IREB2: variants seen among roughly 807,000 people sequenced by gnomAD.
IREB2 encodes the protein iron responsive element binding protein 2, also known as iron-responsive element-binding protein 2.
In IREB2, 39 loss-of-function variants were observed where a neutral mutation model predicts 118.8. The ratio of observed to expected loss-of-function variants is 0.33; its 90% CI spans 0.25 to 0.43. IREB2 has a LOEUF of 0.43. Among genes scored for constraint, IREB2 ranks in the 20% least tolerant of loss-of-function variants. IREB2 has a pLI of 1.00. For synonymous variants in IREB2, 372 were observed against 392.2 expected (o/e 0.95, Z 0.61); for missense variants, 900 against 1,147.3 (o/e 0.78, Z 3.11).
chr15:78,462,136 A>G (rs181204232), intron 2 of IREB2, among the ~76,000 whole-genome samples: 1 of 152,306 alleles, frequency 6.6e-6, no homozygotes, highest in Admixed American at 6.5e-5. Flanking sequence ...TTAGCATACT[A>G]TAAACACTGT....
At chr15:78,444,644 A>G (rs764998695) in intron 2 of IREB2, among the ~76,000 whole-genome samples, 4 of 152,184 alleles carry the variant, frequency 2.6e-5, no homozygotes, top group Non-Finnish European at 5.9e-5. Context: ...AAGAATCACA[A>G]AAAGACAAGA....
chr15:78,483,297 T>G, intron 10 of IREB2, 21 bp from the exon 11 acceptor site: 1 of 1,126,946 alleles, frequency 8.9e-7, no homozygotes, highest in South Asian at 1.3e-5. Context: ...TTCCTTGTTC[T>G]TTCTCTTTCT....
intron 2 of IREB2, among the ~76,000 whole-genome samples, chr15:78,457,624 C>G (rs1434690908): frequency 6.6e-6 from 1 of 152,016 alleles, no homozygotes; most frequent in Non-Finnish European, 1.5e-5. Flanking sequence ...TTCTGCTTGC[C>G]TTTCCCCCAT....
chr15:78,475,678 T>C (rs1161678056), intron 8 of IREB2: 1 of 148,220 alleles, frequency 6.7e-6, no homozygotes, highest in Non-Finnish European at 1.5e-5. Flanking sequence ...AGACCCTGTC[T>C]CTACAAAAAA....
chr15:78,501,218 G>T lies in IREB2; in HGVS notation c.*3075G>T, dbSNP rs761141212. ...CTATCAATTTTACACATAATATGTGGCTATGAAACCATATATCTCACTTAA... is the reference window on the plus strand; with the variant it reads ...CTATCAATTTTACACATAATATGTGTCTATGAAACCATATATCTCACTTAA... On this transcript the variant is annotated 3_prime_UTR_variant, in exon 22 of 22. Coordinates refer to ENST00000258886, the MANE Select transcript of IREB2 (RefSeq NM_004136.4). The T allele has an allele frequency of 6.6e-6, 1 of 152,302 alleles. No individual in the cohort carries two copies. The highest frequency in any genetic ancestry group is 1.5e-5 in the Non-Finnish European group (1 of 68,012). 9.4% of individuals were successfully genotyped at this position (152,302 alleles called of 1,614,324 possible).
At chr15:78,486,610 G>GA (rs879345371) in intron 13 of IREB2, among the ~76,000 whole-genome samples, 14 of 144,680 alleles carry the variant, frequency 9.7e-5, no homozygotes, top group Admixed American at 1.4e-4. Context: ...ATCTCAAAAA[G>GA]AAAAAAAAAA....
intron 13 of IREB2, among the ~76,000 whole-genome samples, chr15:78,487,469 C>T (rs528558386): frequency 2.0e-5 from 3 of 152,004 alleles, no homozygotes; most frequent in East Asian, 3.9e-4. Context: ...CGCCTGTGGC[C>T]CCAGCTACTT....
rs1207597864 is a variant in IREB2, at chr15:78,497,150, A to G, written c.2620A>G (p.Ser874Gly). The stretch of plus-strand genomic sequence containing the variant: ...GGGTGTGAAAGCTGTTTTGGCCGAA[A>G]GTTATGAAAAAATACACAAAGATCA... ...LLGVKAVLAE[S>G]YEKIHKDHLI... Residue 874 changes from serine to glycine, a missense_variant, in exon 21 of 22, where the codon AGT (serine) becomes GGT (glycine). Physicochemically the swap from Ser to Gly is moderately conservative, Grantham distance 56 (BLOSUM62 0). Transcript: ENST00000258886. 6.2e-7 allele frequency: 1 copy of G among 1,613,818 alleles called. No individual in the cohort carries two copies.
intron 7 of IREB2, 62 bp from the exon 8 acceptor site, chr15:78,473,179 AT>A: frequency 6.9e-7 from 1 of 1,448,962 alleles, no homozygotes; most frequent in Non-Finnish European, 9.6e-7. Context: ...AGAGATTCAG[AT>A]GTTACAGAGA....
At position 78,492,919 on chromosome 15, in the gene IREB2, T is replaced by C. The variant is rs79207506; in HGVS notation, c.2325-990T>C. ...AAATGAAGAAGGAATGGGTGAATTA[T>C]AGTATCACTATTTTACGGTCTCTAA... On this transcript the variant is annotated intron_variant, in intron 18 of 21. Coordinates refer to ENST00000258886, the MANE Select transcript of IREB2 (RefSeq NM_004136.4). 4.4e-3 allele frequency among the ~76,000 whole-genome samples: 665 copies of C among 152,240 alleles called. 24 individuals carry two copies. In the East Asian group the frequency reaches 0.094, roughly 22 times the overall value.
At chr15:78,494,764 G>T (rs1438070902) in intron 20 of IREB2, among the ~76,000 whole-genome samples, 1 of 152,092 alleles carries the variant, frequency 6.6e-6, no homozygotes, top group Non-Finnish European at 1.5e-5. Flanking sequence ...GTAGAGATCG[G>T]ATCTCTCTAT....
Position 78,490,612 on chromosome 15 carries a change from C to T in IREB2, c.2182-7C>T, listed in dbSNP as rs2051734572. 1 of 1,613,512 alleles carries T rather than the reference C, an allele frequency of 6.2e-7. No individual in the cohort carries two copies. Among genetic ancestry groups the T allele is most frequent in the Non-Finnish European group, 8.5e-7 (1 of 1,179,860 alleles). On this transcript the variant is annotated splice_region_variant and splice_polypyrimidine_tract_variant and intron_variant, in intron 17 of 21. Coordinates refer to ENST00000258886, the MANE Select transcript of IREB2 (RefSeq NM_004136.4). ...AGAGTTAAATGCCTTGAACTTTTAC[C>T]TTCTAGACCAAAGAGCCAATTGCAC... is the stretch of plus-strand genomic sequence containing the variant.
In IREB2 at chr15:78,498,183, C is replaced by A; in HGVS notation, c.*40C>A. 1 of 1,167,838 alleles carries A rather than the reference C, an allele frequency of 8.6e-7. No homozygotes were observed. Among genetic ancestry groups the A allele is most frequent in the Non-Finnish European group, 1.3e-6 (1 of 775,382 alleles). 72.3% of individuals were successfully genotyped at this position (1,167,838 alleles called of 1,614,324 possible). A position where few individuals can be genotyped will look rare whatever the true frequency, so the allele number is the denominator to read the frequency against. ...AGATACCTTTCATAACTGGTAACTG[C>A]AAAGCCTTTTGTGCTGGACCCAGGA... On this transcript the variant is annotated 3_prime_UTR_variant, in exon 22 of 22. Transcript: ENST00000258886.
In IREB2 at chr15:78,498,383, C is replaced by A; in HGVS notation, c.*240C>A. On this transcript the variant is annotated 3_prime_UTR_variant, in exon 22 of 22. Coordinates refer to ENST00000258886, the MANE Select transcript of IREB2 (RefSeq NM_004136.4). ...CGTGTGAAGTGTGTTGTGGAAGAGA[C>A]CTGTAAGTATGGGGGGGGGGCGATA... The A allele has an allele frequency of 1.4e-5, 3 of 208,896 alleles. No homozygotes were observed. The highest frequency in any genetic ancestry group is 1.4e-4 in the South Asian group (1 of 7,250). 12.9% of individuals were successfully genotyped at this position (208,896 alleles called of 1,614,324 possible).
In IREB2 at chr15:78,438,256, C is replaced by T. The variant is rs972118233; in HGVS notation, c.-82C>T. 2.0e-5 allele frequency: 22 copies of T among 1,106,024 alleles called. No homozygotes were observed. The highest frequency in any genetic ancestry group is 1.9e-4 in the Middle Eastern group (1 of 5,192). The allele number at this position is 1,106,024 out of a possible 1,614,324, so 68.5% of individuals were successfully genotyped here. A position where few individuals can be genotyped will look rare whatever the true frequency, so the allele number is the denominator to read the frequency against. ...TTTCCTCCCTTGCCAGTCCGCCTGTCTTCCTCCCCGTCTTCCCTGCCCGGC... is the reference window on the plus strand; with the variant it reads ...TTTCCTCCCTTGCCAGTCCGCCTGTTTTCCTCCCCGTCTTCCCTGCCCGGC... On this transcript the variant is annotated 5_prime_UTR_variant, in exon 1 of 22. Transcript: ENST00000258886.
At position 78,488,780 on chromosome 15, in the gene IREB2, C is replaced by A. The variant is rs747247258; in HGVS notation, c.2076+9C>A. On this transcript the variant is annotated intron_variant, in intron 16 of 21. Coordinates refer to ENST00000258886, the MANE Select transcript of IREB2 (RefSeq NM_004136.4). The stretch of plus-strand genomic sequence containing the variant: ...TAAAAGATAAAATAGAAGTAAGAGT[C>A]TTATGTGTTTCTTAAATAGTTTAAT... 13 of 1,423,296 alleles carry A rather than the reference C, an allele frequency of 9.1e-6. No individual in the cohort carries two copies. The highest frequency in any genetic ancestry group is 1.3e-5 in the Non-Finnish European group (13 of 1,022,080). The allele number at this position is 1,423,296 out of a possible 1,614,324, so 88.2% of individuals were successfully genotyped here.
intron 2 of IREB2, among the ~76,000 whole-genome samples, chr15:78,453,177 T>C (rs1249924118): frequency 6.6e-6 from 1 of 152,212 alleles, no homozygotes; most frequent in Non-Finnish European, 1.5e-5. Flanking sequence ...TCACAAGTCT[T>C]GAAGAAATGT....
intron 5 of IREB2, among the ~76,000 whole-genome samples, chr15:78,468,166 T>C (rs562134817): frequency 2.0e-4 from 31 of 152,358 alleles, no homozygotes; most frequent in African/African-American, 7.2e-4. Flanking sequence ...ATTTTTATTT[T>C]TAAGAGAGTT....
intron 2 of IREB2, among the ~76,000 whole-genome samples, chr15:78,452,185 T>G (rs546815340): frequency 1.3e-5 from 2 of 152,224 alleles, no homozygotes; most frequent in East Asian, 3.9e-4. Flanking sequence ...GAGAGAGGCA[T>G]TGAGGAAAAT....
Sources: allele counts gnomAD v4.1 joint callset (sites outside exome capture counted in the v4.1 genomes callset), GRCh38; gene constraint gnomAD v4.1.1; transcripts MANE v1.5; gene names NCBI Gene and HGNC (gene_info 2026-07-23, HGNC 2026-07-21).